HECW2: variants seen among roughly 807,000 people sequenced by gnomAD.
The protein encoded by HECW2 is E3 ubiquitin-protein ligase HECW2.
HECW2 carries 61 observed loss-of-function variants against 175.2 expected under a neutral mutation model. The observed-to-expected ratio is 0.35, with a 90% CI of 0.28 to 0.43. HECW2 has a LOEUF of 0.43. HECW2 is among the 20% of genes least tolerant of loss of function. HECW2 has a pLI of 1.00. For synonymous variants in HECW2, 671 were observed against 731.0 expected (o/e 0.92, Z 1.32); for missense variants, 1,524 against 2,000.5 (o/e 0.76, Z 4.54).
intron 1 of HECW2, among the ~76,000 whole-genome samples, chr2:196,530,045 T>A (rs1688791121): frequency 6.6e-6 from 1 of 152,200 alleles, no homozygotes; most frequent in Admixed American, 6.5e-5. Context: ...CATATAAGAA[T>A]CTAAGATACT....
intron 1 of HECW2, among the ~76,000 whole-genome samples, chr2:196,437,139 G>A (rs1283692587): frequency 6.6e-6 from 1 of 151,932 alleles, no homozygotes; most frequent in African/African-American, 2.4e-5. Context: ...TGGTGGCAGA[G>A]GTGATATCTG....
chr2:196,250,872 T>C (rs979606129), intron 19 of HECW2, among the ~76,000 whole-genome samples: 3 of 152,174 alleles, frequency 2.0e-5, no homozygotes, highest in Admixed American at 2.0e-4. Context: ...CCTCCAGATT[T>C]CGTGAAAAGA....
chr2:196,453,905 C>T (rs1200303303), intron 1 of HECW2, among the ~76,000 whole-genome samples: 1 of 152,170 alleles, frequency 6.6e-6, no homozygotes, highest in Non-Finnish European at 1.5e-5. Context: ...GACTGCCTCA[C>T]ATTCAGAAGG....
At chr2:196,285,760 G>A (rs115913677) in intron 14 of HECW2, among the ~76,000 whole-genome samples, 1,680 of 152,254 alleles carry the variant, frequency 0.011, 32 homozygotes, top group African/African-American at 0.038. Flanking sequence ...TAAAAAAATC[G>A]TCATGCTAAC....
chr2:196,251,680 T>C (rs1688858935), intron 19 of HECW2, among the ~76,000 whole-genome samples: 1 of 152,318 alleles, frequency 6.6e-6, no homozygotes, highest in Non-Finnish European at 1.5e-5. Flanking sequence ...CTGATGTCTC[T>C]GCATCCTACA....
At chr2:196,286,062 G>A (rs1264435139) in intron 14 of HECW2, among the ~76,000 whole-genome samples, 1 of 152,204 alleles carries the variant, frequency 6.6e-6, no homozygotes, top group Non-Finnish European at 1.5e-5. Flanking sequence ...TAAGAGGGGA[G>A]CCAGTGTTAT....
In HECW2 at chr2:196,319,744, G is replaced by C; in HGVS notation, c.1146C>G (p.Pro382=). 1 of 1,614,152 alleles carries C rather than the reference G, an allele frequency of 6.2e-7. No homozygotes were observed. Among genetic ancestry groups the C allele is most frequent in the Non-Finnish European group, 8.5e-7 (1 of 1,180,026 alleles). ...VSEDSAADGT[P]KHSFRTSSTL... Reference sequence around the variant, plus strand: ...TGGAGCTAGTCCTGAATGAATGCTTGGGGGTTCCATCGGCAGCACTGTCCT... The same window carrying C: ...TGGAGCTAGTCCTGAATGAATGCTTCGGGGTTCCATCGGCAGCACTGTCCT... Residue 382 remains proline (P), a synonymous_variant, in exon 9 of 29, where the codon CCC becomes CCG. Coordinates refer to ENST00000644978, the MANE Select transcript of HECW2 (RefSeq NM_001348768.2).
intron 1 of HECW2, among the ~76,000 whole-genome samples, chr2:196,581,149 A>G (rs894378462): frequency 2.0e-5 from 3 of 152,192 alleles, no homozygotes; most frequent in Non-Finnish European, 4.4e-5. Context: ...GGAAATAACT[A>G]CTAATGGGTA....
At chr2:196,201,470 CTG>C (rs920721063) in intron 28 of HECW2, 82 bp from the exon 29 acceptor site, 8 of 851,846 alleles carry the variant, frequency 9.4e-6, no homozygotes, top group South Asian at 3.1e-5. Context: ...GTGTGTGTGT[CTG>C]TGTGTGTATG....
intron 2 of HECW2, among the ~76,000 whole-genome samples, chr2:196,370,252 G>A (rs1226168794): frequency 6.6e-6 from 1 of 152,074 alleles, no homozygotes; most frequent in Non-Finnish European, 1.5e-5. Flanking sequence ...ATCCTGACAG[G>A]TCTGAGTCCT....
Position 196,222,345 on chromosome 2 carries a change from G to C in HECW2, c.4017-5C>G. On this transcript the variant is annotated splice_polypyrimidine_tract_variant and splice_region_variant and intron_variant, in intron 23 of 28. Transcript: ENST00000644978. The stretch of plus-strand genomic sequence containing the variant: ...AGGTCACTCAGGTCACATAGACTAA[G>C]ATGACAAACAGACAGAAACAAATAT... 6.2e-7 allele frequency: 1 copy of C among 1,612,196 alleles called. No homozygotes were observed. The highest frequency in any genetic ancestry group is 1.1e-5 in the South Asian group (1 of 90,836).
At chr2:196,247,846 T>C (rs189845926) in intron 19 of HECW2, among the ~76,000 whole-genome samples, 386 of 152,318 alleles carry the variant, frequency 2.5e-3, no homozygotes, top group African/African-American at 8.9e-3. Flanking sequence ...TTCTCCGTAT[T>C]GGACAGGGGC....
At chr2:196,542,875 T>G (rs998977528) in intron 1 of HECW2, among the ~76,000 whole-genome samples, 1 of 147,342 alleles carries the variant, frequency 6.8e-6, no homozygotes, top group Admixed American at 6.9e-5. Flanking sequence ...ATATCTAATA[T>G]ATATCTATAT....
chr2:196,539,079 A>G (rs1331690527), intron 1 of HECW2, among the ~76,000 whole-genome samples: 1 of 152,234 alleles, frequency 6.6e-6, no homozygotes, highest in Non-Finnish European at 1.5e-5. Flanking sequence ...GAATAGTGGC[A>G]GAAGTCCAGA....
rs1686660376 is a variant in HECW2, at chr2:196,195,670, G to T, written c.*5607C>A. The T allele has an allele frequency of 6.6e-6, 1 of 152,160 alleles. No homozygotes were observed. The highest frequency in any genetic ancestry group is 2.4e-5 in the African/African-American group (1 of 41,432). The allele number at this position is 152,160 out of a possible 1,614,324, so 9.4% of individuals were successfully genotyped here. The stretch of plus-strand genomic sequence containing the variant: ...AAAATGTCTCAAATGCTATTCTAAT[G>T]TCAAGGGATGTCCGCTAAAAAAACC... On this transcript the variant is annotated 3_prime_UTR_variant, in exon 29 of 29. Coordinates refer to ENST00000644978, the MANE Select transcript of HECW2 (RefSeq NM_001348768.2).
intron 1 of HECW2, among the ~76,000 whole-genome samples, chr2:196,559,664 A>G (rs143563813): frequency 2.9e-4 from 44 of 152,348 alleles, no homozygotes; most frequent in African/African-American, 1.1e-3. Flanking sequence ...ATGCTGAATT[A>G]TAACTTCGAC....
At chr2:196,434,471 G>C (rs984883917) in intron 1 of HECW2, among the ~76,000 whole-genome samples, 5 of 151,972 alleles carry the variant, frequency 3.3e-5, no homozygotes, top group Admixed American at 6.6e-5. Context: ...CCCCTTTTTG[G>C]CTCACTGAGT....
At chr2:196,302,194 T>C (rs752377442) in intron 13 of HECW2, among the ~76,000 whole-genome samples, 1 of 152,190 alleles carries the variant, frequency 6.6e-6, no homozygotes, top group Non-Finnish European at 1.5e-5. Flanking sequence ...GGTCAAATGG[T>C]TGTAGGTGTG....
intron 1 of HECW2, among the ~76,000 whole-genome samples, chr2:196,474,721 T>A (rs1686494540): frequency 6.6e-6 from 1 of 152,206 alleles, no homozygotes; most frequent in Non-Finnish European, 1.5e-5. Context: ...CATTGCCATC[T>A]TTTTTTAGGA....
Sources: gnomAD v4.1 joint callset for allele counts (sites outside exome capture counted in the v4.1 genomes callset) on GRCh38, gnomAD v4.1.1 for gene constraint, MANE v1.5 for transcripts, NCBI Gene and HGNC (gene_info 2026-07-23, HGNC 2026-07-21) for gene names.